ADSS2: variants seen among roughly 807,000 people sequenced by gnomAD.
The protein encoded by ADSS2 is adenylosuccinate synthase 2, also known as adenylosuccinate synthetase isozyme 2.
A neutral mutation model predicts 60.0 loss-of-function variants in ADSS2; 30 were observed. That is an observed-to-expected ratio of 0.50 (90% CI 0.37 to 0.68). ADSS2 has a LOEUF of 0.68. ADSS2 is among the 30% of genes least tolerant of loss of function. The probability of loss-of-function intolerance (pLI) is 0.00; values close to 1 mark genes in which losing one functional copy is unlikely to be tolerated. For synonymous variants in ADSS2, 187 were observed against 193.1 expected, an observed-to-expected ratio of 0.97 and a Z score of 0.26; for missense variants, 373 against 554.8, an observed-to-expected ratio of 0.67 and a Z score of 3.29.
At chr1:244,441,006 G>C (rs138889895) in intron 1 of ADSS2, among the ~76,000 whole-genome samples, 329 of 151,206 alleles carry the variant, frequency 2.2e-3, no homozygotes, top group Admixed American at 4.6e-3. Flanking sequence ...AATTCTGATA[G>C]AATCCTAGGA....
upstream of ADSS2, chr1:244,451,941 GC>G (rs1665636758): frequency 9.9e-7 from 1 of 1,008,888 alleles, no homozygotes; most frequent in Non-Finnish European, 1.4e-6. The surrounding 1 kb of genome is among the most constrained non-coding windows in gnomAD (Gnocchi z 6.6). Context: ...CCCCGCCCCC[GC>G]CCCGCCGGGC....
At chr1:244,439,603 T>C (rs1488322246) in intron 1 of ADSS2, among the ~76,000 whole-genome samples, 1 of 152,152 alleles carries the variant, frequency 6.6e-6, no homozygotes, top group African/African-American at 2.4e-5. Flanking sequence ...CATGCTGTGC[T>C]GCCTGCGGTT....
chr1:244,426,413 A>G (rs1433682889), intron 4 of ADSS2, among the ~76,000 whole-genome samples: 2 of 152,152 alleles, frequency 1.3e-5, no homozygotes, highest in Non-Finnish European at 2.9e-5. Flanking sequence ...GGAAGCAATT[A>G]CTGTAATCAG....
chr1:244,420,323 C>A, intron 7 of ADSS2, 27 bp from the exon 8 acceptor site: 1 of 1,578,918 alleles, frequency 6.3e-7, no homozygotes, highest in Non-Finnish European at 8.6e-7. Flanking sequence ...AAACCAATTT[C>A]CATGTATACT....
intron 11 of ADSS2, among the ~76,000 whole-genome samples, chr1:244,411,893 G>A (rs942869718): frequency 4.6e-5 from 7 of 152,202 alleles, no homozygotes; most frequent in East Asian, 1.9e-4. Context: ...ATTATTCTAC[G>A]TATTTTCTCT....
intron 1 of ADSS2, 32 bp from the exon 2 acceptor site, chr1:244,437,800 G>A: frequency 6.9e-7 from 1 of 1,450,896 alleles, no homozygotes; most frequent in Non-Finnish European, 9.7e-7. Context: ...AATTGAGCCT[G>A]ATGATAAATA....
At chr1:244,412,103 A>C (rs986448370) in intron 11 of ADSS2, among the ~76,000 whole-genome samples, 3 of 152,188 alleles carry the variant, frequency 2.0e-5, no homozygotes, top group African/African-American at 7.2e-5. Context: ...CCAGCAGCCC[A>C]TATCCATTGA....
rs765386619 is a variant in ADSS2, at chr1:244,451,799, A to T, written c.19T>A (p.Tyr7Asn). 5.7e-6 allele frequency: 9 copies of T among 1,592,516 alleles called. No homozygotes were observed. The highest frequency in any genetic ancestry group is 7.7e-6 in the Non-Finnish European group (9 of 1,171,040). Residue 7 changes from tyrosine (Y) to asparagine (N), a missense_variant, in exon 1 of 13, where the codon TAC becomes AAC. Tyr to Asn is a moderately radical substitution (Grantham distance 143, BLOSUM62 -2). Transcript: ENST00000366535. The surrounding 1 kb of genome is among the most constrained non-coding windows in gnomAD (Gnocchi z 6.6). MAFAET[Y>N]PAASSLPNGD... ...TTGGGCAGGGAGGATGCCGCCGGGT[A>T]GGTCTCGGCGAACGCCATGGCTCCA...
chr1:244,451,919 G>A, upstream of ADSS2: 2 of 1,244,120 alleles, frequency 1.6e-6, no homozygotes, highest in Non-Finnish European at 1.1e-6. The surrounding 1 kb of genome is among the most constrained non-coding windows in gnomAD (Gnocchi z 6.6). Flanking sequence ...GGAAGAAGGA[G>A]CCAGAGGCCG....
intron 4 of ADSS2, among the ~76,000 whole-genome samples, chr1:244,428,546 G>A (rs1443442123): frequency 6.6e-6 from 1 of 151,392 alleles, no homozygotes. Context: ...GAGGGAGGGA[G>A]GTCAGTTGGT....
intron 3 of ADSS2, 113 bp downstream of exon 3, chr1:244,436,712 A>G (rs554632615): frequency 3.6e-4 from 310 of 869,214 alleles, no homozygotes; most frequent in African/African-American, 3.0e-3. Flanking sequence ...AAATTCGTCT[A>G]TAATAGCCCG....
intron 4 of ADSS2, among the ~76,000 whole-genome samples, chr1:244,431,052 G>T (rs1664931040): frequency 6.6e-6 from 1 of 152,122 alleles, no homozygotes; most frequent in Admixed American, 6.5e-5. Context: ...CCGGGAGGCA[G>T]AGGTTGCAGT....
At chr1:244,446,039 A>G (rs1331659965) in intron 1 of ADSS2, among the ~76,000 whole-genome samples, 1 of 152,212 alleles carries the variant, frequency 6.6e-6, no homozygotes, top group Non-Finnish European at 1.5e-5. Flanking sequence ...ATTACAGGAG[A>G]GAGCAGCAGT....
rs1427090142 is a variant in ADSS2, at chr1:244,445,190, T to C, written c.183+6445A>G. 5.3e-5 allele frequency among the ~76,000 whole-genome samples: 8 copies of C among 152,212 alleles called. No homozygotes were observed. The East Asian group carries it at 1.2e-3, about 22-fold the overall frequency. Reference sequence around the variant, plus strand: ...TTCATCTCAGGCCACCATCCTGCTCTTCCTTTAAACAAATCCCCATTTTGC... The same window carrying C: ...TTCATCTCAGGCCACCATCCTGCTCCTCCTTTAAACAAATCCCCATTTTGC... On this transcript the variant is annotated intron_variant, in intron 1 of 12. Coordinates refer to ENST00000366535, the MANE Select transcript of ADSS2 (RefSeq NM_001126.5).
At chr1:244,430,257 A>G (rs555822840) in intron 4 of ADSS2, among the ~76,000 whole-genome samples, 1 of 152,174 alleles carries the variant, frequency 6.6e-6, no homozygotes, top group Non-Finnish European at 1.5e-5. Context: ...GTCTAAAGTA[A>G]TTAAGTAACT....
chr1:244,431,880 C>T (rs377284730), intron 4 of ADSS2, among the ~76,000 whole-genome samples: 30 of 152,186 alleles, frequency 2.0e-4, no homozygotes, highest in African/African-American at 7.2e-4. Flanking sequence ...CTTGATGAGG[C>T]TGCCTTTTAA....
intron 9 of ADSS2, 66 bp downstream of exon 9, chr1:244,418,694 T>C (rs1664593890): frequency 1.4e-6 from 2 of 1,441,256 alleles, no homozygotes; most frequent in Admixed American, 4.7e-5. Context: ...AGACAATAAT[T>C]CATTAAGAAA....
chr1:244,435,529 TCTTCCTCCTTCA>T (rs1377047622), intron 3 of ADSS2, among the ~76,000 whole-genome samples: 2 of 152,142 alleles, frequency 1.3e-5, no homozygotes, highest in African/African-American at 4.8e-5. Flanking sequence ...CTCCTCCTTC[TCTTCCTCCTTCA>T]TCCTCCTCCT....
chr1:244,428,902 TA>T (rs1283224936), intron 4 of ADSS2, among the ~76,000 whole-genome samples: 5 of 152,172 alleles, frequency 3.3e-5, no homozygotes, highest in African/African-American at 1.2e-4. Flanking sequence ...ATGGAATTCA[TA>T]AAAACTTCCT....
Sources: allele counts gnomAD v4.1 joint callset (sites outside exome capture counted in the v4.1 genomes callset), GRCh38; gene constraint gnomAD v4.1.1; non-coding constraint Gnocchi (gnomAD v3.1); transcripts MANE v1.5; gene names NCBI Gene and HGNC (gene_info 2026-07-23, HGNC 2026-07-21).